Variants in DNAJA3 observed in about 807,000 individuals in gnomAD.
DNAJA3 encodes DnaJ heat shock protein family (Hsp40) member A3.
A neutral mutation model predicts 54.9 loss-of-function variants in DNAJA3; 29 were observed. That is an observed-to-expected ratio of 0.53 (90% CI 0.39 to 0.72). The LOEUF is 0.72. Ranked by LOEUF, DNAJA3 falls within the 30% of genes least tolerant of loss-of-function variation. DNAJA3 has a pLI of 0.00. For missense variants in DNAJA3, 708 were observed against 639.4 expected, an observed-to-expected ratio of 1.11 and a Z score of -1.16; for synonymous variants, 302 against 251.4, an observed-to-expected ratio of 1.20 and a Z score of -1.90.
intron 10 of DNAJA3, 104 bp downstream of exon 10, chr16:4,450,601 A>C (rs1015189045): frequency 2.3e-6 from 2 of 865,810 alleles, no homozygotes; most frequent in Non-Finnish European, 3.5e-6. Context: ...CGGGTTCTTC[A>C]TGAAGCCTTT....
intron 1 of DNAJA3, chr16:4,433,335 T>C (rs748644899): frequency 6.6e-6 from 1 of 152,218 alleles, no homozygotes; most frequent in Non-Finnish European, 1.5e-5. Context: ...GCTTAGCCAG[T>C]TTCTGCAGCT....
intron 3 of DNAJA3, among the ~76,000 whole-genome samples, chr16:4,439,683 G>A (rs900992567): frequency 1.3e-5 from 2 of 152,280 alleles, no homozygotes; most frequent in Admixed American, 6.5e-5. Flanking sequence ...TAAACGGACC[G>A]AGCCTCAGAA....
In DNAJA3 at chr16:4,450,396, A is replaced by G. The variant is rs780087744; in HGVS notation, c.1242-4A>G. 3.7e-6 allele frequency: 6 copies of G among 1,601,086 alleles called. No individual in the cohort carries two copies. The highest frequency in any genetic ancestry group is 1.1e-5 in the South Asian group (1 of 88,966). Reference sequence around the variant, plus strand: ...CTTGGCTGCTGACTCTGCTCGGTCCACAGGAGGCTAACGAGCCGGCAGCAG... The same window carrying G: ...CTTGGCTGCTGACTCTGCTCGGTCCGCAGGAGGCTAACGAGCCGGCAGCAG... On this transcript the variant is annotated splice_region_variant and splice_polypyrimidine_tract_variant and intron_variant, in intron 9 of 11. Coordinates refer to ENST00000262375, the MANE Select transcript of DNAJA3 (RefSeq NM_005147.6).
At position 4,442,269 on chromosome 16, in the gene DNAJA3, A is replaced by G. The variant is rs200725850; in HGVS notation, c.632A>G (p.Tyr211Cys). The G allele has an allele frequency of 6.3e-7, 1 of 1,585,696 alleles. No individual in the cohort carries two copies. The highest frequency in any genetic ancestry group is 1.2e-5 in the South Asian group (1 of 86,740). ...CAGGCTGTCCCTTGGTTTCTTTAGT[A>G]CTTCATGGAGTTGACATTCAATCAA... The part of the protein sequence containing the change: ...FQTVFDQPQE[Y>C]FMELTFNQAA... The change falls in exon 5 of 12, where the codon TAC becomes TGC. Residue 211 changes from tyrosine to cysteine, a missense_variant and splice_region_variant. By Grantham distance (194) the Tyr-to-Cys change is radical. Coordinates refer to ENST00000262375, the MANE Select transcript of DNAJA3 (RefSeq NM_005147.6).
chr16:4,436,795 C>T (rs1005656736), intron 2 of DNAJA3, among the ~76,000 whole-genome samples: 92 of 152,202 alleles, frequency 6.0e-4, no homozygotes, highest in African/African-American at 2.2e-3. Flanking sequence ...CTCAGCATCT[C>T]AAAGTGCTGG....
chr16:4,453,751 G>A (rs969597455), intron 10 of DNAJA3, among the ~76,000 whole-genome samples: 3 of 152,148 alleles, frequency 2.0e-5, no homozygotes, highest in African/African-American at 7.2e-5. Flanking sequence ...TTGAGACTGG[G>A]TCTCACTCTG....
At chr16:4,441,925 G>C (rs2141382491) in intron 4 of DNAJA3, among the ~76,000 whole-genome samples, 1 of 152,332 alleles carries the variant, frequency 6.6e-6, no homozygotes, top group African/African-American at 2.4e-5. Context: ...ATAAGACACT[G>C]TCAGAGTGGA....
intron 10 of DNAJA3, among the ~76,000 whole-genome samples, chr16:4,453,047 C>T (rs893063217): frequency 2.6e-5 from 4 of 152,136 alleles, no homozygotes; most frequent in African/African-American, 9.7e-5. Context: ...AGAACTTAAG[C>T]AACAGTGGGA....
intron 10 of DNAJA3, among the ~76,000 whole-genome samples, chr16:4,453,195 C>A (rs966188919): frequency 5.9e-5 from 9 of 152,112 alleles, no homozygotes; most frequent in African/African-American, 2.2e-4. Flanking sequence ...GTTGGAATTA[C>A]AGACATGAGC....
chr16:4,446,616 A>T (rs909357745), intron 7 of DNAJA3, among the ~76,000 whole-genome samples: 1 of 152,132 alleles, frequency 6.6e-6, no homozygotes, highest in Admixed American at 6.6e-5. Flanking sequence ...GAATGGCTTG[A>T]TCTGAGACTG....
chr16:4,441,209 C>T, intron 3 of DNAJA3, 166 bp from the exon 4 acceptor site: 1 of 621,658 alleles, frequency 1.6e-6, no homozygotes, highest in South Asian at 2.1e-5. Flanking sequence ...GTCATCTCAT[C>T]CCTCTTCTAG....
At position 4,450,281 on chromosome 16, in the gene DNAJA3, C is replaced by T. The variant is rs145111372; in HGVS notation, c.1242-119C>T. 12 of 726,406 alleles carry T rather than the reference C, an allele frequency of 1.7e-5. 1 individual carries two copies. The highest frequency in any genetic ancestry group is 9.1e-5 in the South Asian group (5 of 54,914). 45.0% of individuals were successfully genotyped at this position (726,406 alleles called of 1,614,324 possible). A position where few individuals can be genotyped will look rare whatever the true frequency, so the allele number is the denominator to read the frequency against. ...CACCGCTGCACTGGCTCAGGGTGTCCGCCCCTGCCAAGGTTGGGTCCCTCT... is the reference window on the plus strand; with the variant it reads ...CACCGCTGCACTGGCTCAGGGTGTCTGCCCCTGCCAAGGTTGGGTCCCTCT... On this transcript the variant is annotated intron_variant, in intron 9 of 11. Coordinates refer to ENST00000262375, the MANE Select transcript of DNAJA3 (RefSeq NM_005147.6).
intron 10 of DNAJA3, among the ~76,000 whole-genome samples, chr16:4,453,548 C>T (rs1243703341): frequency 6.6e-6 from 1 of 151,982 alleles, no homozygotes; most frequent in Non-Finnish European, 1.5e-5. Flanking sequence ...TCAACCAATT[C>T]TGCCTCAGCC....
chr16:4,453,370 G>C (rs558091875), intron 10 of DNAJA3, among the ~76,000 whole-genome samples: 1 of 149,510 alleles, frequency 6.7e-6, no homozygotes, highest in East Asian at 1.9e-4. Context: ...AGAGGGAACT[G>C]GGGGGGCTTG....
rs980742028 is a variant in DNAJA3, at chr16:4,453,544, A to G, written c.1340-1267A>G. 2.6e-5 allele frequency among the ~76,000 whole-genome samples: 4 copies of G among 151,548 alleles called. No individual in the cohort carries two copies. In the South Asian group the frequency reaches 8.3e-4, roughly 31 times the overall value. ...CGCACTCTGCCTCTTGGGTTCAACCAATTCTGCCTCAGCCTCCCGAGTAGC... is the reference window on the plus strand; with the variant it reads ...CGCACTCTGCCTCTTGGGTTCAACCGATTCTGCCTCAGCCTCCCGAGTAGC... On this transcript the variant is annotated intron_variant, in intron 10 of 11. Transcript: ENST00000262375.
intron 1 of DNAJA3, among the ~76,000 whole-genome samples, chr16:4,427,565 A>G (rs1295878291): frequency 6.6e-6 from 1 of 152,220 alleles, no homozygotes; most frequent in Non-Finnish European, 1.5e-5. Flanking sequence ...TCATTCATTC[A>G]CAGGTGTTAA....
chr16:4,450,712 G>A (rs903936185), intron 10 of DNAJA3, among the ~76,000 whole-genome samples: 1 of 152,190 alleles, frequency 6.6e-6, no homozygotes, highest in Non-Finnish European at 1.5e-5. Flanking sequence ...GTGTGTTTCT[G>A]TGCTGAGGTG....
At position 4,444,583 on chromosome 16, in the gene DNAJA3, C is replaced by T. The variant is rs1266255931; in HGVS notation, c.932-81C>T. 19 of 1,244,918 alleles carry T rather than the reference C, an allele frequency of 1.5e-5. 1 individual carries two copies. The highest frequency in any genetic ancestry group is 4.5e-5 in the African/African-American group (3 of 67,386). The allele number at this position is 1,244,918 out of a possible 1,614,324, so 77.1% of individuals were successfully genotyped here. A position where few individuals can be genotyped will look rare whatever the true frequency, so the allele number is the denominator to read the frequency against. On this transcript the variant is annotated intron_variant, in intron 6 of 11. Coordinates refer to ENST00000262375, the MANE Select transcript of DNAJA3 (RefSeq NM_005147.6). ...TCTCTTGACGTCATGATCTGCCCGC[C>T]TCGGCCTCCCAAAGTGCTGGGATTA...
chr16:4,448,656 A>T (rs966002818), intron 8 of DNAJA3, 77 bp from the exon 9 acceptor site: 1 of 977,276 alleles, frequency 1.0e-6, no homozygotes, highest in Non-Finnish European at 1.6e-6. Context: ...TCCTATCAAG[A>T]TTGTCTTCAT....
Sources: gnomAD v4.1 joint callset for allele counts (sites outside exome capture counted in the v4.1 genomes callset) on GRCh38, gnomAD v4.1.1 for gene constraint, MANE v1.5 for transcripts, NCBI Gene and HGNC (gene_info 2026-07-23, HGNC 2026-07-21) for gene names.